The following ZNF92 variants were observed in gnomAD, a reference collection of about 807,000 sequenced individuals.
ZNF92 encodes zinc finger protein 92.
In ZNF92, 11 loss-of-function variants were observed where a neutral mutation model predicts 12.4. The ratio of observed to expected loss-of-function variants is 0.89; its 90% CI spans 0.56 to 1.47. The LOEUF (loss-of-function observed/expected upper bound fraction) is 1.47, where lower values mean the gene tolerates loss of function less well. Ranked by LOEUF, ZNF92 falls within the 40% of genes most tolerant of loss-of-function variation. The pLI, the probability that ZNF92 is intolerant of heterozygous loss-of-function variation, is 0.00. For synonymous variants in ZNF92, 206 were observed against 228.6 expected, an observed-to-expected ratio of 0.90 and a Z score of 0.89; for missense variants, 622 against 681.0, an observed-to-expected ratio of 0.91 and a Z score of 0.96.
intron 3 of ZNF92, among the ~76,000 whole-genome samples, chr7:65,391,141 G>A (rs1205550867): frequency 1.3e-5 from 2 of 151,976 alleles, no homozygotes; most frequent in African/African-American, 4.8e-5. Context: ...TTTGAGATGG[G>A]GTCTTGCTTC....
chr7:65,378,826 T>C (rs989806670), intron 1 of ZNF92, among the ~76,000 whole-genome samples: 5 of 152,142 alleles, frequency 3.3e-5, no homozygotes, highest in Non-Finnish European at 5.9e-5. Context: ...ATGTGCAGTC[T>C]TTATCTGACT....
At position 65,399,724 on chromosome 7, in the gene ZNF92, A is replaced by G; in HGVS notation, c.1610A>G (p.Tyr537Cys). The G allele has an allele frequency of 6.2e-7, 1 of 1,613,294 alleles. No homozygotes were observed. The highest frequency in any genetic ancestry group is 8.5e-7 in the Non-Finnish European group (1 of 1,179,450). ...RKIIYTGEKP[Y>C]KYEECDKAFN... is the part of the protein sequence containing the mutation. The stretch of plus-strand genomic sequence containing the variant: ...ATAATTTATACTGGAGAGAAACCCT[A>G]CAAATATGAAGAATGTGACAAAGCC... Residue 537 changes from tyrosine (Y) to cysteine (C), a missense_variant, in exon 4 of 4, where the codon TAC (tyrosine) becomes TGC (cysteine). Coordinates refer to ENST00000328747, the MANE Select transcript of ZNF92 (RefSeq NM_152626.4).
intron 3 of ZNF92, among the ~76,000 whole-genome samples, chr7:65,389,629 G>T (rs566863317): frequency 1.3e-5 from 2 of 152,010 alleles, no homozygotes; most frequent in Non-Finnish European, 2.9e-5. Context: ...CAATTCTCCT[G>T]CCTCAGCCTC....
chr7:65,399,156 A>C lies in ZNF92; in HGVS notation c.1042A>C (p.Lys348Gln). ...EKPYKCEECG[K>Q]AFNQFSNLTK... ...ACCATACAAATGTGAAGAATGTGGC[A>C]AAGCCTTTAACCAGTTCTCAAACCT... The change falls in exon 4 of 4, where the codon AAA becomes CAA. Residue 348 changes from lysine (K) to glutamine (Q), a missense_variant. By Grantham distance (53) the Lys-to-Gln change is moderately conservative (BLOSUM62 1). Coordinates refer to ENST00000328747, the MANE Select transcript of ZNF92 (RefSeq NM_152626.4). 1 of 1,613,566 alleles carries C rather than the reference A, an allele frequency of 6.2e-7. No individual in the cohort carries two copies. Among genetic ancestry groups the C allele is most frequent in the Non-Finnish European group, 8.5e-7 (1 of 1,179,798 alleles).
At chr7:65,392,407 A>G (rs1285975266) in intron 3 of ZNF92, among the ~76,000 whole-genome samples, 5 of 151,704 alleles carry the variant, frequency 3.3e-5, no homozygotes, top group African/African-American at 7.3e-5. Context: ...AATTGTTGTA[A>G]AAACACATAA....
Position 65,375,867 on chromosome 7 carries a change from G to A in ZNF92, c.3+1867G>A, listed in dbSNP as rs924923789. Among the ~76,000 whole-genome samples, 8 of 151,964 alleles carry A rather than the reference G, an allele frequency of 5.3e-5. No individual in the cohort carries two copies. The East Asian group carries it at 5.8e-4, about 11-fold the overall frequency. On this transcript the variant is annotated intron_variant, in intron 1 of 3. Transcript: ENST00000328747. ...AACAAACAAAAACAACCTGATCCCAGTGAGATGGTACAAGAACTTGCAAAG... is the reference window on the plus strand; with the variant it reads ...AACAAACAAAAACAACCTGATCCCAATGAGATGGTACAAGAACTTGCAAAG...
chr7:65,380,579 A>G (rs898295538), intron 1 of ZNF92, among the ~76,000 whole-genome samples: 1 of 151,922 alleles, frequency 6.6e-6, no homozygotes, highest in African/African-American at 2.4e-5. Context: ...ACCACAATGT[A>G]TTTTCTTTAT....
chr7:65,380,924 G>GT (rs1010844825), intron 1 of ZNF92, among the ~76,000 whole-genome samples: 4 of 151,650 alleles, frequency 2.6e-5, no homozygotes, highest in African/African-American at 9.7e-5. Context: ...TCATTGTGGT[G>GT]TTTTTTTTGT....
intron 2 of ZNF92, among the ~76,000 whole-genome samples, chr7:65,388,603 A>G (rs967584920): frequency 1.3e-5 from 2 of 151,642 alleles, no homozygotes; most frequent in African/African-American, 4.9e-5. Flanking sequence ...GTGCCATTGC[A>G]CTCCAGCCTG....
intron 1 of ZNF92, among the ~76,000 whole-genome samples, chr7:65,375,176 CAG>C (rs2116325950): frequency 6.6e-6 from 1 of 152,130 alleles, no homozygotes; most frequent in African/African-American, 2.4e-5. Flanking sequence ...GAGATCTTAT[CAG>C]AATGTTTTTG....
At chr7:65,382,653 T>G (rs1793452100) in intron 1 of ZNF92, among the ~76,000 whole-genome samples, 1 of 152,116 alleles carries the variant, frequency 6.6e-6, no homozygotes, top group African/African-American at 2.4e-5. Flanking sequence ...TCAGAGACTG[T>G]GGGGCCCGTT....
At chr7:65,389,045 T>G (rs1793644731) in intron 3 of ZNF92, 144 bp downstream of exon 3, 1 of 558,144 alleles carries the variant, frequency 1.8e-6, no homozygotes. Context: ...CTGCAACCTC[T>G]GCCTCCCAGG....
intron 1 of ZNF92, among the ~76,000 whole-genome samples, chr7:65,378,821 C>T (rs1481081527): frequency 6.6e-6 from 1 of 152,014 alleles, no homozygotes; most frequent in Non-Finnish European, 1.5e-5. Flanking sequence ...ATAAAATGTG[C>T]AGTCTTTATC....
chr7:65,398,100 GCT>G (rs1261700165), intron 3 of ZNF92, among the ~76,000 whole-genome samples: 3 of 151,932 alleles, frequency 2.0e-5, no homozygotes, highest in African/African-American at 7.3e-5. Flanking sequence ...CTTCTATGTA[GCT>G]CTTTGCATTG....
rs796908278 is a variant in ZNF92 at position 65,401,096 on chromosome 7, GAACTT to G, written c.*1224_*1228del. ...ACTTTAAAACATTTAGATTGTGTGTGAACTTAATTTTGTAATTAAACATTTTTTTT... is the reference window on the plus strand; with the variant it reads ...ACTTTAAAACATTTAGATTGTGTGTGAATTTTGTAATTAAACATTTTTTTT... On this transcript the variant is annotated 3_prime_UTR_variant, in exon 4 of 4. Coordinates refer to ENST00000328747, the MANE Select transcript of ZNF92 (RefSeq NM_152626.4). The G allele has an allele frequency of 1.2e-3, 190 of 152,074 alleles. 2 individuals are homozygous for G. Among genetic ancestry groups the G allele is most frequent in the African/African-American group, 4.5e-3 (187 of 41,502 alleles). The allele number at this position is 152,074 out of a possible 1,614,324, so 9.4% of individuals were successfully genotyped here.
chr7:65,378,469 G>A (rs551435848), intron 1 of ZNF92, among the ~76,000 whole-genome samples: 25 of 151,914 alleles, frequency 1.6e-4, no homozygotes, highest in East Asian at 7.8e-4. Flanking sequence ...TTGGCCGGGC[G>A]TGGTGGCTCA....
At chr7:65,382,906 C>CACAA (rs1393249980) in intron 1 of ZNF92, among the ~76,000 whole-genome samples, 1 of 152,038 alleles carries the variant, frequency 6.6e-6, no homozygotes, top group Non-Finnish European at 1.5e-5. Context: ...ACAATTGTGT[C>CACAA]TTTCTCTCTC....
chr7:65,380,809 C>T (rs1449794659), intron 1 of ZNF92, among the ~76,000 whole-genome samples: 1 of 152,094 alleles, frequency 6.6e-6, no homozygotes, highest in Admixed American at 6.6e-5. Flanking sequence ...TACACTCCCA[C>T]CAGCAGAGTA....
At position 65,399,008 on chromosome 7, in the gene ZNF92, G is replaced by A. The variant is rs142143390; in HGVS notation, c.894G>A (p.Ser298=). Reference sequence around the variant, plus strand: ...GTGGCAAGGCCTTTAACCAGTTCTCGATTCTTAATAAACATAAGAGAATTC... The same window carrying A: ...GTGGCAAGGCCTTTAACCAGTTCTCAATTCTTAATAAACATAAGAGAATTC... ...EECGKAFNQF[S]ILNKHKRIHM... is the part of the protein sequence containing the mutation. Residue 298 remains serine, a synonymous_variant, in exon 4 of 4, where the codon TCG becomes TCA. Coordinates refer to ENST00000328747, the MANE Select transcript of ZNF92 (RefSeq NM_152626.4). 139 of 1,592,300 alleles carry A rather than the reference G, an allele frequency of 8.7e-5. 2 individuals carry two copies. In the East Asian group the frequency reaches 2.7e-3, roughly 30 times the overall value.
Sources: gnomAD v4.1 joint callset for allele counts (sites outside exome capture counted in the v4.1 genomes callset) on GRCh38, gnomAD v4.1.1 for gene constraint, MANE v1.5 for transcripts, NCBI Gene and HGNC (gene_info 2026-07-23, HGNC 2026-07-21) for gene names.